Variants in CACNA1C observed in about 807,000 individuals in gnomAD.
CACNA1C encodes the protein voltage-dependent L-type calcium channel subunit alpha-1C.
A neutral mutation model predicts 229.0 loss-of-function variants in CACNA1C; 30 were observed. That is an observed-to-expected ratio of 0.13 (90% confidence interval 0.10 to 0.18). The LOEUF is 0.18. CACNA1C is among the 10% of genes least tolerant of loss of function. The pLI, the probability that CACNA1C is intolerant of heterozygous loss-of-function variation, is 1.00. For synonymous variants in CACNA1C, 1,114 were observed against 1,132.5 expected (o/e 0.98, Z 0.33); for missense variants, 1,658 against 2,845.0 (o/e 0.58, Z 9.49).
At chr12:2,009,062 C>T (rs987534382) in intron 1 of CACNA1C, among the ~76,000 whole-genome samples, 16 of 152,278 alleles carry the variant, frequency 1.1e-4, no homozygotes, top group African/African-American at 3.6e-4. Context: ...TTTCTGTTGG[C>T]GCCCAGAGTG....
In CACNA1C at chr12:2,410,482, A is replaced by C. The variant is rs1054666682; in HGVS notation, c.478-38494A>C. On this transcript the variant is annotated intron_variant, in intron 3 of 46. Coordinates refer to ENST00000399655, the MANE Select transcript of CACNA1C (RefSeq NM_000719.7). This position sits in a 1 kb window ranked among gnomAD's most constrained non-coding sequence, Gnocchi z 5.3. Reference sequence around the variant, plus strand: ...CAAAGGACCATGATTTCCATGGATTACTTTGTGCAAAGGATGCCAAAACCA... The same window carrying C: ...CAAAGGACCATGATTTCCATGGATTCCTTTGTGCAAAGGATGCCAAAACCA... Among the ~76,000 whole-genome samples, 1 of 152,262 alleles carries C rather than the reference A, an allele frequency of 6.6e-6. No individual in the cohort carries two copies. The highest frequency in any genetic ancestry group is 2.4e-5 in the African/African-American group (1 of 41,476).
intron 7 of CACNA1C, among the ~76,000 whole-genome samples, chr12:2,500,137 C>T (rs2099755931): frequency 6.6e-6 from 1 of 152,194 alleles, no homozygotes; most frequent in Non-Finnish European, 1.5e-5. Context: ...CCTCCTGCTT[C>T]CTGCCCTCGC....
intron 1 of CACNA1C, among the ~76,000 whole-genome samples, chr12:2,081,455 C>T (rs1219207712): frequency 6.6e-6 from 1 of 152,116 alleles, no homozygotes; most frequent in East Asian, 1.9e-4. Context: ...CCTGTAGTCC[C>T]CGCTACTCGG....
chr12:2,281,907 C>T lies in CACNA1C; in HGVS notation c.477+161477C>T, dbSNP rs187521879. On this transcript the variant is annotated intron_variant, in intron 3 of 46. Coordinates refer to ENST00000399655, the MANE Select transcript of CACNA1C (RefSeq NM_000719.7). ...CCCATTCCTGTGAGAACTCTAATTACACATGTATTAGGCTGCTTGACATTG... is the reference window on the plus strand; with the variant it reads ...CCCATTCCTGTGAGAACTCTAATTATACATGTATTAGGCTGCTTGACATTG... Among the ~76,000 whole-genome samples the T allele has an allele frequency of 7.7e-4, 117 of 152,134 alleles. 1 individual carries two copies. Among genetic ancestry groups the T allele is most frequent in the African/African-American group, 2.8e-3 (116 of 41,534 alleles).
At chr12:2,324,037 A>G in intron 3 of CACNA1C, among the ~76,000 whole-genome samples, 1 of 152,204 alleles carries the variant, frequency 6.6e-6, no homozygotes, top group East Asian at 1.9e-4. Flanking sequence ...TCATGTAGTC[A>G]GTCTGGACAT....
chr12:2,325,386 G>A (rs1302734374), intron 3 of CACNA1C, among the ~76,000 whole-genome samples: 1 of 152,248 alleles, frequency 6.6e-6, no homozygotes, highest in Non-Finnish European at 1.5e-5. Context: ...GAGGCAACGT[G>A]TTTTAACAGA....
intron 3 of CACNA1C, among the ~76,000 whole-genome samples, chr12:2,246,551 G>A (rs1315632495): frequency 6.6e-6 from 1 of 152,082 alleles, no homozygotes; most frequent in Admixed American, 6.6e-5. Flanking sequence ...GACCCATGAC[G>A]ACTCTGTGCA....
chr12:2,271,935 T>G (rs544107867), intron 3 of CACNA1C, among the ~76,000 whole-genome samples: 5 of 152,266 alleles, frequency 3.3e-5, no homozygotes, highest in Admixed American at 6.5e-5. Context: ...AAACAGTGCT[T>G]AATGCATGCC....
chr12:1,993,943 G>C (rs142197779), intron 1 of CACNA1C, among the ~76,000 whole-genome samples: 1 of 152,158 alleles, frequency 6.6e-6, no homozygotes, highest in Non-Finnish European at 1.5e-5. Flanking sequence ...GCCTGAACTA[G>C]AAGTTTACAT....
At chr12:2,377,107 G>A (rs559177404) in intron 3 of CACNA1C, among the ~76,000 whole-genome samples, 4 of 152,166 alleles carry the variant, frequency 2.6e-5, no homozygotes, top group Admixed American at 6.5e-5. Context: ...TTGAGGAGGG[G>A]CCTGGAGGAG....
rs1281156168 is a variant in CACNA1C, at chr12:2,678,503, C to T, written c.5091+636C>T. Among the ~76,000 whole-genome samples, 1 of 152,180 alleles carries T rather than the reference C, an allele frequency of 6.6e-6. No individual in the cohort carries two copies. Among genetic ancestry groups the T allele is most frequent in the Non-Finnish European group, 1.5e-5 (1 of 68,024 alleles). Reference sequence around the variant, plus strand: ...CACTCATTTGTGTTGCCTGCCTCACCACGCTGGTGTTTGGTTACAAATCCT... The same window carrying T: ...CACTCATTTGTGTTGCCTGCCTCACTACGCTGGTGTTTGGTTACAAATCCT... On this transcript the variant is annotated intron_variant, in intron 41 of 46. Transcript: ENST00000399655. The surrounding 1 kb of genome is among the most constrained non-coding windows in gnomAD (Gnocchi z 4.1).
rs181947413 is a variant in CACNA1C at position 2,486,376 on chromosome 12, A to T, written c.916+114A>T. On this transcript the variant is annotated intron_variant, in intron 6 of 46. Coordinates refer to ENST00000399655, the MANE Select transcript of CACNA1C (RefSeq NM_000719.7). The surrounding 1 kb of genome is among the most constrained non-coding windows in gnomAD (Gnocchi z 4.9). ...GCAGAGCCCAGGGAAGGCCCCATTC[A>T]TTCAGACACACACTGGGCATGGTTA... 1 of 762,148 alleles carries T rather than the reference A, an allele frequency of 1.3e-6. No individual in the cohort carries two copies. The highest frequency in any genetic ancestry group is 2.1e-6 in the Non-Finnish European group (1 of 486,044). The allele number at this position is 762,148 out of a possible 1,614,324, so 47.2% of individuals were successfully genotyped here.
intron 1 of CACNA1C, among the ~76,000 whole-genome samples, chr12:2,060,609 C>G (rs1454745813): frequency 6.6e-6 from 1 of 152,236 alleles, no homozygotes; most frequent in Non-Finnish European, 1.5e-5. Flanking sequence ...AAGACGGAGG[C>G]ATGAGCCAGG....
chr12:2,084,321 A>C (rs997278130), intron 1 of CACNA1C, among the ~76,000 whole-genome samples: 1 of 152,136 alleles, frequency 6.6e-6, no homozygotes, highest in African/African-American at 2.4e-5. Flanking sequence ...TTAAACAGCC[A>C]TTATCTTTTG....
intron 1 of CACNA1C, among the ~76,000 whole-genome samples, chr12:1,995,791 CT>C (rs1224770250): frequency 6.6e-6 from 1 of 152,214 alleles, no homozygotes; most frequent in African/African-American, 2.4e-5. Flanking sequence ...ATCGGTTCCT[CT>C]TTATACTCAC....
chr12:2,100,582 CAAAAAAAAAAAAAA>C (rs71441677), intron 1 of CACNA1C, among the ~76,000 whole-genome samples: 2 of 66,474 alleles, frequency 3.0e-5, no homozygotes, highest in East Asian at 4.5e-4. Context: ...CTGTTTCTAC[CAAAAAAAAAAAAAA>C]AAAAAAAAAA....
At chr12:2,176,562 T>C (rs557293136) in intron 3 of CACNA1C, among the ~76,000 whole-genome samples, 18 of 144,596 alleles carry the variant, frequency 1.2e-4, no homozygotes, top group East Asian at 4.7e-4. Context: ...CTAGGGCCTA[T>C]TGGGGGGGTT....
intron 1 of CACNA1C, among the ~76,000 whole-genome samples, chr12:2,055,455 A>C (rs534582959): frequency 1.2e-4 from 19 of 152,340 alleles, no homozygotes; most frequent in African/African-American, 4.3e-4. Context: ...TGATAATCTT[A>C]ACTAGTTTAC....
intron 3 of CACNA1C, among the ~76,000 whole-genome samples, chr12:2,364,451 C>T (rs555316374): frequency 2.6e-5 from 4 of 152,068 alleles, no homozygotes; most frequent in Non-Finnish European, 5.9e-5. Context: ...CCCGGTGTGG[C>T]GGCCCAGTGC....
Sources: gnomAD v4.1 joint callset for allele counts (sites outside exome capture counted in the v4.1 genomes callset) on GRCh38, gnomAD v4.1.1 for gene constraint, Gnocchi (gnomAD v3.1) non-coding constraint, MANE v1.5 for transcripts, NCBI Gene and HGNC (gene_info 2026-07-23, HGNC 2026-07-21) for gene names.